Variants in TMEM131 observed in about 807,000 individuals in gnomAD.
TMEM131 encodes the protein transmembrane protein 131.
TMEM131 carries 66 observed loss-of-function variants against 211.6 expected under a neutral mutation model. The observed-to-expected ratio is 0.31, with a 90% CI of 0.26 to 0.38. The LOEUF (loss-of-function observed/expected upper bound fraction) is 0.38. TMEM131 is among the 10% of genes least tolerant of loss of function. The probability of loss-of-function intolerance (pLI) is 1.00; values close to 1 mark genes in which losing one functional copy is unlikely to be tolerated. For missense variants in TMEM131, 2,036 were observed against 2,299.3 expected (o/e 0.89, Z 2.34); for synonymous variants, 844 against 841.3 (o/e 1.00, Z -0.06).
chr2:97,759,680 G>A lies in TMEM131; in HGVS notation c.5178C>T (p.Ala1726=). ...CAGTTAGATTAAAAGAGTTTCCAAA[G>A]GCGGAGAACGAATTGAGGGGAGTGA... ...PDFTPLNSFS[A]FGNSFNLTGE... Residue 1726 remains alanine, a synonymous_variant, in exon 39 of 41, where the codon GCC becomes GCT. Coordinates refer to ENST00000186436, the MANE Select transcript of TMEM131 (RefSeq NM_015348.2). 6.2e-7 allele frequency: 1 copy of A among 1,613,682 alleles called. No individual in the cohort carries two copies. The highest frequency in any genetic ancestry group is 8.5e-7 in the Non-Finnish European group (1 of 1,179,766).
chr2:97,828,109 G>A (rs535702497), intron 11 of TMEM131, among the ~76,000 whole-genome samples: 8 of 152,222 alleles, frequency 5.3e-5, no homozygotes, highest in East Asian at 1.9e-4. Context: ...TGTAGTGTAC[G>A]TGCTATTGAG....
At chr2:97,938,582 G>A (rs1356704964) in intron 1 of TMEM131, among the ~76,000 whole-genome samples, 1 of 152,096 alleles carries the variant, frequency 6.6e-6, no homozygotes, top group Non-Finnish European at 1.5e-5. Flanking sequence ...AATAATGGGA[G>A]ACTTCAACAC....
rs766812501 is a variant in TMEM131 at position 97,766,592 on chromosome 2, G to A, written c.4459C>T (p.Leu1487=). 7 of 1,613,758 alleles carry A rather than the reference G, an allele frequency of 4.3e-6. No homozygotes were observed. In the Admixed American group the frequency reaches 1.2e-4, roughly 27 times the overall value. Residue 1487 remains leucine (L), a synonymous_variant, in exon 34 of 41, where the codon CTA becomes TTA. Coordinates refer to ENST00000186436, the MANE Select transcript of TMEM131 (RefSeq NM_015348.2). ...PTDVKPSSLE[L]PYTPPLESKQ... ...CTTTCCAAAGGGGGAGTATATGGTA[G>A]TTCTAATGAACTGAAAGACAATCAG...
chr2:97,984,798 A>C (rs1033576883), intron 1 of TMEM131, among the ~76,000 whole-genome samples: 73 of 152,058 alleles, frequency 4.8e-4, no homozygotes, highest in African/African-American at 1.6e-3. Flanking sequence ...TTTTAAAAAG[A>C]GTTTTAGTTA....
At chr2:97,985,294 G>A (rs1018679477) in intron 1 of TMEM131, among the ~76,000 whole-genome samples, 5 of 151,868 alleles carry the variant, frequency 3.3e-5, no homozygotes, top group Admixed American at 6.6e-5. Flanking sequence ...ATATTAGATT[G>A]AATAAGTTGT....
intron 1 of TMEM131, among the ~76,000 whole-genome samples, chr2:97,933,689 A>C (rs1246515080): frequency 6.6e-6 from 1 of 152,172 alleles, no homozygotes; most frequent in Non-Finnish European, 1.5e-5. Flanking sequence ...GCAATGTATA[A>C]AATTATGCAT....
chr2:97,944,320 A>G (rs1385196165), intron 1 of TMEM131, among the ~76,000 whole-genome samples: 1 of 152,144 alleles, frequency 6.6e-6, no homozygotes, highest in Non-Finnish European at 1.5e-5. Context: ...CATATGCAAA[A>G]ATTAAATCCA....
intron 1 of TMEM131, among the ~76,000 whole-genome samples, chr2:97,970,045 C>G (rs1679230764): frequency 6.6e-6 from 1 of 152,172 alleles, no homozygotes; most frequent in Non-Finnish European, 1.5e-5. Flanking sequence ...TGCTGAAACA[C>G]AGAAATGTTT....
At chr2:97,798,773 A>AGC (rs2104912038) in intron 25 of TMEM131, among the ~76,000 whole-genome samples, 1 of 152,360 alleles carries the variant, frequency 6.6e-6, no homozygotes, top group East Asian at 1.9e-4. Flanking sequence ...TCAAGTGTTA[A>AGC]CTGCTATTTT....
At chr2:97,845,287 T>C (rs1029519506) in intron 5 of TMEM131, among the ~76,000 whole-genome samples, 3 of 151,996 alleles carry the variant, frequency 2.0e-5, no homozygotes, top group Non-Finnish European at 4.4e-5. Flanking sequence ...GAGGCTATCA[T>C]ACAGGAGTGT....
At chr2:97,778,113 C>A (rs1289813925) in intron 31 of TMEM131, among the ~76,000 whole-genome samples, 1 of 152,130 alleles carries the variant, frequency 6.6e-6, no homozygotes, top group Non-Finnish European at 1.5e-5. Flanking sequence ...GGCAGTAAAT[C>A]TGTATAAATA....
intron 15 of TMEM131, 74 bp downstream of exon 15, chr2:97,813,897 G>T: frequency 8.4e-7 from 1 of 1,196,722 alleles, no homozygotes; most frequent in Non-Finnish European, 1.1e-6. Context: ...TATGTAACAC[G>T]ACTGCCTAAT....
intron 19 of TMEM131, among the ~76,000 whole-genome samples, chr2:97,808,478 C>T (rs891105320): frequency 2.6e-5 from 4 of 152,182 alleles, no homozygotes; most frequent in African/African-American, 9.6e-5. Context: ...GTTCTCCAGG[C>T]TCAAACTCTA....
intron 19 of TMEM131, among the ~76,000 whole-genome samples, chr2:97,809,459 C>T (rs1175020164): frequency 6.6e-6 from 1 of 152,236 alleles, no homozygotes; most frequent in African/African-American, 2.4e-5. Flanking sequence ...GCAACTTCTA[C>T]ATTCCGCTTT....
intron 1 of TMEM131, among the ~76,000 whole-genome samples, chr2:97,978,352 A>C (rs1559487182): frequency 6.6e-6 from 1 of 152,176 alleles, no homozygotes. Context: ...AAATCACTTC[A>C]TCTATAAGAA....
At chr2:97,953,149 TC>T (rs1678401720) in intron 1 of TMEM131, among the ~76,000 whole-genome samples, 1 of 152,332 alleles carries the variant, frequency 6.6e-6, no homozygotes, top group East Asian at 1.9e-4. Flanking sequence ...CCATCAAGTT[TC>T]TTAAATCATA....
At position 97,991,224 on chromosome 2, in the gene TMEM131, T is replaced by C. The variant is rs1485127250; in HGVS notation, c.187+4252A>G. Among the ~76,000 whole-genome samples the C allele has an allele frequency of 5.3e-5, 8 of 152,302 alleles. 1 individual carries two copies. The South Asian group carries it at 1.7e-3, about 32-fold the overall frequency. ...CAGAAATTCCAGCCTAGGTGAAGAA[T>C]GACACCCCTGAAATCATTTAAGTAG... On this transcript the variant is annotated intron_variant, in intron 1 of 40. Coordinates refer to ENST00000186436, the MANE Select transcript of TMEM131 (RefSeq NM_015348.2).
rs1429776373 is a variant in TMEM131 at position 97,766,258 on chromosome 2, T to C, written c.4579A>G (p.Ser1527Gly). 4 of 1,614,038 alleles carry C rather than the reference T, an allele frequency of 2.5e-6. No homozygotes were observed. The highest frequency in any genetic ancestry group is 2.2e-5 in the South Asian group (2 of 91,088). The change falls in exon 35 of 41, where the codon AGT (serine) becomes GGT (glycine). Residue 1527 changes from serine to glycine, a missense_variant. Ser to Gly is a moderately conservative substitution (Grantham distance 56). This residue lies in a region of TMEM131 where 1,623 missense variants were observed against 1,805.9 expected (regional missense o/e 0.90). Coordinates refer to ENST00000186436, the MANE Select transcript of TMEM131 (RefSeq NM_015348.2). ...GGTGGTCTGTTATCCACTAACTTAC[T>C]TGTACCTGCACAAAAATCAGAAAAG... ...SRNAQKTKGT[S>G]KLVDNRPPAL...
At chr2:97,764,269 C>T (rs1679046711) in intron 35 of TMEM131, 1 of 152,342 alleles carries the variant, frequency 6.6e-6, no homozygotes, top group South Asian at 2.1e-4. Flanking sequence ...GCTCGCAGAA[C>T]TTCAGGTCTA....
Sources: allele counts gnomAD v4.1 joint callset (sites outside exome capture counted in the v4.1 genomes callset), GRCh38; gene constraint gnomAD v4.1.1; regional missense constraint gnomAD v4.1.1; transcripts MANE v1.5; gene names NCBI Gene and HGNC (gene_info 2026-07-23, HGNC 2026-07-21).